ASB15: variants seen among roughly 807,000 people sequenced by gnomAD.
ASB15 encodes ankyrin repeat and SOCS box containing 15, also known as ankyrin repeat and SOCS box protein 15.
Under a neutral mutation model 58.0 loss-of-function variants are expected in ASB15, and 54 were observed. The ratio of observed to expected loss-of-function variants is 0.93; its 90% CI spans 0.75 to 1.17. The LOEUF is 1.17. Among genes scored for constraint, ASB15 ranks in the 50% most tolerant of loss-of-function variants. The pLI is 0.00. For missense variants in ASB15, 680 were observed against 707.4 expected, an observed-to-expected ratio of 0.96 and a Z score of 0.44; for synonymous variants, 249 against 262.4, an observed-to-expected ratio of 0.95 and a Z score of 0.50.
chr7:123,593,818 G>C (rs1280998839), intron 1 of ASB15, among the ~76,000 whole-genome samples: 4 of 152,126 alleles, frequency 2.6e-5, no homozygotes, highest in Non-Finnish European at 5.9e-5. Flanking sequence ...GAATTTGAAA[G>C]TTGGCCTGCC....
chr7:123,620,870 A>C (rs1036790230), intron 7 of ASB15, among the ~76,000 whole-genome samples: 1 of 151,506 alleles, frequency 6.6e-6, no homozygotes, highest in African/African-American at 2.4e-5. Context: ...CCCGTGACCT[A>C]TATTATTTTT....
intron 7 of ASB15, among the ~76,000 whole-genome samples, chr7:123,619,738 T>A (rs903068516): frequency 6.6e-6 from 1 of 152,128 alleles, no homozygotes; most frequent in Non-Finnish European, 1.5e-5. Flanking sequence ...TTAGCCAGGA[T>A]GGTCTCGATC....
intron 2 of ASB15, 103 bp from the exon 3 acceptor site, chr7:123,608,491 A>C (rs983405073): frequency 9.9e-5 from 15 of 152,118 alleles, no homozygotes; most frequent in South Asian, 2.1e-4. Context: ...TTTTGGACTA[A>C]GATTGTTTGT....
At position 123,607,022 on chromosome 7, in the gene ASB15, C is replaced by A. The variant is rs573798327; in HGVS notation, c.-63-1572C>A. Among the ~76,000 whole-genome samples, 138 of 152,106 alleles carry A rather than the reference C, an allele frequency of 9.1e-4. 1 individual carries two copies. The highest frequency in any genetic ancestry group is 1.5e-3 in the Non-Finnish European group (100 of 67,994). On this transcript the variant is annotated intron_variant, in intron 2 of 11. Coordinates refer to ENST00000451215, the MANE Select transcript of ASB15 (RefSeq NM_001290258.2). Reference sequence around the variant, plus strand: ...GTTCTATTTTTAAATTTTTGAGAAACCTTTGTACTGTTTTTTAAAATAGCT... The same window carrying A: ...GTTCTATTTTTAAATTTTTGAGAAAACTTTGTACTGTTTTTTAAAATAGCT...
In ASB15 at chr7:123,629,238, A is replaced by G. The variant is rs1801990897; in HGVS notation, c.1244A>G (p.Asp415Gly). ...AATTGTTATTTTATGCATGTGAATG[A>G]CACTCGTTTCCCCAGTGTCATTCAA... is the stretch of plus-strand genomic sequence containing the variant. The part of the protein sequence containing the change: ...NVNCYFMHVN[D>G]TRFPSVIQYA... Residue 415 changes from aspartate to glycine, a missense_variant, in exon 10 of 12, where the codon GAC becomes GGC. Asp to Gly is a moderately conservative substitution (Grantham distance 94). Coordinates refer to ENST00000451215, the MANE Select transcript of ASB15 (RefSeq NM_001290258.2). The G allele has an allele frequency of 6.2e-7, 1 of 1,614,056 alleles. No homozygotes were observed. Among genetic ancestry groups the G allele is most frequent in the Non-Finnish European group, 8.5e-7 (1 of 1,179,922 alleles).
At chr7:123,623,882 G>GAAAAT in intron 7 of ASB15, among the ~76,000 whole-genome samples, 2 of 113,128 alleles carry the variant, frequency 1.8e-5, no homozygotes, top group Non-Finnish European at 3.7e-5. Context: ...AAAAAGAAAA[G>GAAAAT]AAAAGAAGAA....
intron 11 of ASB15, among the ~76,000 whole-genome samples, chr7:123,635,115 T>A (rs1259716164): frequency 1.3e-5 from 2 of 152,212 alleles, no homozygotes; most frequent in East Asian, 1.9e-4. Context: ...AAATGTACTG[T>A]CAATACTATA....
chr7:123,624,061 G>A (rs754349711), intron 7 of ASB15, among the ~76,000 whole-genome samples: 12 of 152,052 alleles, frequency 7.9e-5, no homozygotes, highest in East Asian at 1.9e-4. Flanking sequence ...TATCTTTTGC[G>A]GCAAGGGGAA....
chr7:123,584,319 A>AAC (rs1341315541), intron 1 of ASB15, among the ~76,000 whole-genome samples: 1 of 151,528 alleles, frequency 6.6e-6, no homozygotes, highest in East Asian at 1.9e-4. Context: ...AAAAAAAAAA[A>AAC]AAAAAAAAAA....
Position 123,629,022 on chromosome 7 carries a change from C to T in ASB15, c.1028C>T (p.Ser343Phe). Reference protein sequence around the residue: ...DVNTLLADHISQSYDDERKTA... With the variant: ...DVNTLLADHIFQSYDDERKTA... ...AACACTCTACTTGCTGACCACATTTCCCAGAGCTATGACGATGAGAGGAAG... is the reference window on the plus strand; with the variant it reads ...AACACTCTACTTGCTGACCACATTTTCCAGAGCTATGACGATGAGAGGAAG... The change falls in exon 10 of 12, where the codon TCC becomes TTC. Residue 343 changes from serine (S) to phenylalanine (F), a missense_variant. Coordinates refer to ENST00000451215, the MANE Select transcript of ASB15 (RefSeq NM_001290258.2). 1 of 1,613,866 alleles carries T rather than the reference C, an allele frequency of 6.2e-7. No individual in the cohort carries two copies. Among genetic ancestry groups the T allele is most frequent in the Non-Finnish European group, 8.5e-7 (1 of 1,179,848 alleles).
chr7:123,635,077 G>A (rs1248249753), intron 11 of ASB15, among the ~76,000 whole-genome samples: 1 of 152,162 alleles, frequency 6.6e-6, no homozygotes, highest in Non-Finnish European at 1.5e-5. Flanking sequence ...GATTAGAAAA[G>A]ACTTAAAGGA....
Position 123,617,747 on chromosome 7 carries a change from C to G in ASB15, c.451+10C>G. 6.3e-7 allele frequency: 1 copy of G among 1,594,974 alleles called. No homozygotes were observed. Among genetic ancestry groups the G allele is most frequent in the Non-Finnish European group, 8.6e-7 (1 of 1,168,394 alleles). The stretch of plus-strand genomic sequence containing the variant: ...ACCCCCCTTCTGATTGGTAAATGAC[C>G]TTTTTTTCTAGAACTTTTATAGTTT... On this transcript the variant is annotated intron_variant, in intron 7 of 11. Coordinates refer to ENST00000451215, the MANE Select transcript of ASB15 (RefSeq NM_001290258.2).
intron 1 of ASB15, among the ~76,000 whole-genome samples, chr7:123,568,079 G>A (rs994876615): frequency 3.9e-5 from 6 of 152,118 alleles, no homozygotes; most frequent in Non-Finnish European, 7.4e-5. Flanking sequence ...AAATAAAAGC[G>A]CCATTACCCA....
chr7:123,618,368 T>C (rs1486604452), intron 7 of ASB15, among the ~76,000 whole-genome samples: 1 of 152,204 alleles, frequency 6.6e-6, no homozygotes, highest in African/African-American at 2.4e-5. Flanking sequence ...AACATTTCCT[T>C]TCTCTTAGGG....
chr7:123,581,242 T>C (rs1799227501), intron 1 of ASB15, among the ~76,000 whole-genome samples: 1 of 151,758 alleles, frequency 6.6e-6, no homozygotes, highest in Non-Finnish European at 1.5e-5. Context: ...GTATGGGAGA[T>C]CTGTAAGCCA....
chr7:123,578,310 T>C (rs1799124805), intron 1 of ASB15, among the ~76,000 whole-genome samples: 1 of 151,692 alleles, frequency 6.6e-6, no homozygotes, highest in African/African-American at 2.4e-5. Flanking sequence ...TTCTCTATGT[T>C]GCTCAAAAAT....
intron 7 of ASB15, among the ~76,000 whole-genome samples, chr7:123,623,620 C>T (rs1801478054): frequency 6.6e-6 from 1 of 151,988 alleles, no homozygotes; most frequent in East Asian, 1.9e-4. Flanking sequence ...AATCCAAGCA[C>T]TTTAGGAGGC....
At chr7:123,594,979 A>G (rs533600701) in intron 1 of ASB15, among the ~76,000 whole-genome samples, 3 of 152,230 alleles carry the variant, frequency 2.0e-5, no homozygotes, top group African/African-American at 7.2e-5. Context: ...TTACACTGTG[A>G]GCATAAAACC....
At chr7:123,622,324 G>T (rs1466077283) in intron 7 of ASB15, among the ~76,000 whole-genome samples, 1 of 151,786 alleles carries the variant, frequency 6.6e-6, no homozygotes, top group Non-Finnish European at 1.5e-5. Flanking sequence ...TGTAAAACAA[G>T]ACATTTTTAA....
Sources: allele counts gnomAD v4.1 joint callset (sites outside exome capture counted in the v4.1 genomes callset), GRCh38; gene constraint gnomAD v4.1.1; transcripts MANE v1.5; gene names NCBI Gene and HGNC (gene_info 2026-07-23, HGNC 2026-07-21).